The following HEMK2 variants were observed in gnomAD, a reference collection of about 807,000 sequenced individuals.
The protein encoded by HEMK2 is HemK methyltransferase 2, ETF1 glutamine and histone H4 lysine.
At chr21:28,689,304 C>A in the HEMK2 span, among the ~76,000 whole-genome samples, 1 of 152,120 alleles carries the variant, frequency 6.6e-6, no homozygotes, top group Admixed American at 6.5e-5. Context: ...TCACAAATGT[C>A]TTAGGGTTAC....
At chr21:28,649,865 A>AT in the HEMK2 span, among the ~76,000 whole-genome samples, 12 of 152,000 alleles carry the variant, frequency 7.9e-5, no homozygotes, top group Admixed American at 2.0e-4. Flanking sequence ...TAAAATAATA[A>AT]AATTTTTACT....
the HEMK2 span, among the ~76,000 whole-genome samples, chr21:28,870,574 T>A: frequency 6.6e-6 from 1 of 152,152 alleles, no homozygotes; most frequent in Non-Finnish European, 1.5e-5. Context: ...CTAATTTTTT[T>A]ATTTTCAGTA....
the HEMK2 span, among the ~76,000 whole-genome samples, chr21:28,701,641 T>C: frequency 6.6e-6 from 1 of 151,570 alleles, no homozygotes; most frequent in East Asian, 1.9e-4. Context: ...GAAAGATTTC[T>C]ACAATGAGAA....
chr21:28,848,056 A>T, the HEMK2 span, among the ~76,000 whole-genome samples: 9 of 152,204 alleles, frequency 5.9e-5, no homozygotes, highest in African/African-American at 2.2e-4. Flanking sequence ...AGGTAGTGTG[A>T]TGCCTCCAGC....
At chr21:28,613,856 A>T in the HEMK2 span, among the ~76,000 whole-genome samples, 1 of 152,150 alleles carries the variant, frequency 6.6e-6, no homozygotes, top group Non-Finnish European at 1.5e-5. Context: ...TACACTGATG[A>T]AGCTTGCTGA....
the HEMK2 span, among the ~76,000 whole-genome samples, chr21:28,684,170 C>T: frequency 6.6e-6 from 1 of 152,198 alleles, no homozygotes; most frequent in African/African-American, 2.4e-5. Flanking sequence ...AACAGCAACA[C>T]CATTGTGTGT....
the HEMK2 span, among the ~76,000 whole-genome samples, chr21:28,678,926 G>A: frequency 6.6e-6 from 1 of 152,196 alleles, no homozygotes; most frequent in African/African-American, 2.4e-5. Flanking sequence ...ACCGGTACCA[G>A]TCACTGCAAA....
the HEMK2 span, among the ~76,000 whole-genome samples, chr21:28,629,684 T>TAG: frequency 1.3e-5 from 2 of 152,336 alleles, no homozygotes; most frequent in Middle Eastern, 3.4e-3. Flanking sequence ...GGAATAACTG[T>TAG]AGCTGCCATC....
the HEMK2 span, among the ~76,000 whole-genome samples, chr21:28,668,126 T>C: frequency 6.6e-6 from 1 of 152,122 alleles, no homozygotes; most frequent in Non-Finnish European, 1.5e-5. Context: ...CCAGGTTAAG[T>C]CAAATTAGAA....
At chr21:28,768,836 C>A in the HEMK2 span, among the ~76,000 whole-genome samples, 1 of 151,866 alleles carries the variant, frequency 6.6e-6, no homozygotes, top group South Asian at 2.1e-4. Context: ...TAAATGAGGT[C>A]ATAAGGGTGG....
the HEMK2 span, among the ~76,000 whole-genome samples, chr21:28,784,215 G>A: frequency 6.6e-6 from 1 of 152,262 alleles, no homozygotes; most frequent in Non-Finnish European, 1.5e-5. Context: ...AAGCCAGCTG[G>A]CCTCCTGAGT....
At chr21:28,800,268 C>A in the HEMK2 span, among the ~76,000 whole-genome samples, 12 of 152,096 alleles carry the variant, frequency 7.9e-5, no homozygotes, top group African/African-American at 2.7e-4. Flanking sequence ...GTGAAATTCT[C>A]GCACTACACA....
the HEMK2 span, among the ~76,000 whole-genome samples, chr21:28,831,634 GGAAAGAAAGAAA>G: frequency 1.2e-3 from 44 of 36,448 alleles, 2 homozygotes; most frequent in East Asian, 5.8e-3. Context: ...AAAGAAGGAA[GGAAAGAAAGAAA>G]GAAAGAAAGA....
the HEMK2 span, among the ~76,000 whole-genome samples, chr21:28,822,419 TA>T: frequency 1.3e-3 from 198 of 152,260 alleles, 1 homozygote; most frequent in African/African-American, 4.6e-3. Flanking sequence ...TAATTTGCTT[TA>T]AAAATGCTGA....
the HEMK2 span, among the ~76,000 whole-genome samples, chr21:28,777,882 C>G: frequency 6.6e-6 from 1 of 152,084 alleles, no homozygotes; most frequent in Non-Finnish European, 1.5e-5. Flanking sequence ...AAGAAAATTT[C>G]CTAAATTTAA....
the HEMK2 span, among the ~76,000 whole-genome samples, chr21:28,644,966 T>A: frequency 1.3e-5 from 2 of 152,160 alleles, no homozygotes; most frequent in African/African-American, 4.8e-5. Context: ...ATTCGAAGGT[T>A]TTTTGGTGAG....
At chr21:28,881,303 G>A in the HEMK2 span, among the ~76,000 whole-genome samples, 1 of 152,146 alleles carries the variant, frequency 6.6e-6, no homozygotes, top group Non-Finnish European at 1.5e-5. Flanking sequence ...TCCAGCTCCT[G>A]GGATGGAACT....
the HEMK2 span, among the ~76,000 whole-genome samples, chr21:28,741,307 G>A: frequency 6.6e-6 from 1 of 152,182 alleles, no homozygotes; most frequent in Non-Finnish European, 1.5e-5. Context: ...TATGGGGAAA[G>A]CATAAGCATG....
chr21:28,822,974 G>C, the HEMK2 span, among the ~76,000 whole-genome samples: 15 of 152,082 alleles, frequency 9.9e-5, no homozygotes, highest in Non-Finnish European at 2.1e-4. Flanking sequence ...TGAATTTGGG[G>C]TTTAAATCTG....
Sources: gnomAD v4.1 joint callset for allele counts (sites outside exome capture counted in the v4.1 genomes callset) on GRCh38, gnomAD v4.1.1 for gene constraint, MANE v1.5 for transcripts, NCBI Gene and HGNC (gene_info 2026-07-23, HGNC 2026-07-21) for gene names.